Variants in SYT7 observed in about 807,000 individuals in gnomAD.
The protein encoded by SYT7 is synaptotagmin-7.
In SYT7, 29 loss-of-function variants were observed where a neutral mutation model predicts 75.1. That is an observed-to-expected ratio of 0.39 (90% confidence interval 0.29 to 0.53). SYT7 has a LOEUF of 0.53. SYT7 is among the 20% of genes least tolerant of loss of function. The pLI, the probability that SYT7 is intolerant of heterozygous loss-of-function variation, is 0.77. For missense variants in SYT7, 693 were observed against 953.2 expected, an observed-to-expected ratio of 0.73 and a Z score of 3.59; for synonymous variants, 376 against 401.7, an observed-to-expected ratio of 0.94 and a Z score of 0.76.
rs1209878499 is a variant in SYT7, at chr11:61,523,184, A to C, written c.1847T>G (p.Phe616Cys). ...GATATCGAAGGCGAAGGACTCATTGAAGATGGGGTTCAGGTTCCTCTTCAT... is the reference window on the plus strand; with the variant it reads ...GATATCGAAGGCGAAGGACTCATTGCAGATGGGGTTCAGGTTCCTCTTCAT... ...VTMKRNLNPI[F>C]NESFAFDIPT... The change falls in exon 12 of 13, where the codon TTC becomes TGC. Residue 616 changes from phenylalanine to cysteine, a missense_variant. Phe to Cys is a radical substitution (Grantham distance 205). This residue lies in a region of SYT7 where 206 missense variants were observed against 360.0 expected (regional missense o/e 0.57). Transcript: ENST00000539008. This position sits in a 1 kb window ranked among gnomAD's most constrained non-coding sequence, Gnocchi z 5.0. The C allele has an allele frequency of 1.9e-6, 3 of 1,614,084 alleles. No homozygotes were observed. The highest frequency in any genetic ancestry group is 2.5e-6 in the Non-Finnish European group (3 of 1,180,044).
At chr11:61,579,663 C>T (rs1666332135) in intron 1 of SYT7, among the ~76,000 whole-genome samples, 1 of 152,234 alleles carries the variant, frequency 6.6e-6, no homozygotes, top group South Asian at 2.1e-4. Context: ...TCAGGAGCCT[C>T]AGGGCTGCAG....
chr11:61,542,316 C>T lies in SYT7; in HGVS notation c.836G>A (p.Gly279Asp), dbSNP rs2135240917. 6.5e-7 allele frequency: 1 copy of T among 1,532,924 alleles called. No homozygotes were observed. Among genetic ancestry groups the T allele is most frequent in the Non-Finnish European group, 8.7e-7 (1 of 1,145,454 alleles). 95.0% of individuals were successfully genotyped at this position (1,532,924 alleles called of 1,614,324 possible). The change falls in exon 6 of 13, where the codon GGC (glycine) becomes GAC (aspartate). Residue 279 changes from glycine (G) to aspartate (D), a missense_variant. Around this residue, in one of 2 missense-constraint regions of SYT7, gnomAD observed 487 missense variants for 593.2 expected, o/e 0.82. Coordinates refer to ENST00000539008, the MANE Select transcript of SYT7 (RefSeq NM_001365809.2). The surrounding 1 kb of genome is among the most constrained non-coding windows in gnomAD (Gnocchi z 7.8). ...GCCCCCTGCCGCCCGGTACTTGGAG[C>T]CGGCCGAGGTGCCCTGCCGAGCCTG... Reference protein sequence around the residue: ...RGQARQGTSAGSKYRAAGGRS... With the variant: ...RGQARQGTSADSKYRAAGGRS...
At chr11:61,563,935 C>T (rs570406578) in intron 1 of SYT7, among the ~76,000 whole-genome samples, 23 of 152,190 alleles carry the variant, frequency 1.5e-4, no homozygotes, top group Non-Finnish European at 3.1e-4. Context: ...GAAGTAATTG[C>T]TAAACAAATT....
chr11:61,517,429 G>T lies in SYT7; in HGVS notation c.*1198C>A, dbSNP rs2062175822. Reference sequence around the variant, plus strand: ...CGGGGACCAGGGAGTGGGGAAGGGTGAGAAGACAGTCCTGGAGAAGGTCAG... The same window carrying T: ...CGGGGACCAGGGAGTGGGGAAGGGTTAGAAGACAGTCCTGGAGAAGGTCAG... On this transcript the variant is annotated 3_prime_UTR_variant, in exon 13 of 13. Transcript: ENST00000539008. 2 of 398,922 alleles carry T rather than the reference G, an allele frequency of 5.0e-6. No homozygotes were observed. The highest frequency in any genetic ancestry group is 4.1e-5 in the African/African-American group (2 of 48,738). 24.7% of individuals were successfully genotyped at this position (398,922 alleles called of 1,614,324 possible). A position where few individuals can be genotyped will look rare whatever the true frequency, so the allele number is the denominator to read the frequency against.
intron 7 of SYT7, 39 bp downstream of exon 7, chr11:61,538,105 T>C (rs1473664984): frequency 6.5e-7 from 1 of 1,533,580 alleles, no homozygotes; most frequent in Non-Finnish European, 8.7e-7. Flanking sequence ...CGCCTCCTTC[T>C]CTGCCGCCGC....
chr11:61,586,761 C>T, the SYT7 span, among the ~76,000 whole-genome samples: 1 of 152,082 alleles, frequency 6.6e-6, no homozygotes, highest in Non-Finnish European at 1.5e-5. Context: ...CCATCCTCTC[C>T]GCAGTGACTT....
chr11:61,584,723 A>G (rs773798155), upstream of SYT7, among the ~76,000 whole-genome samples: 4 of 152,140 alleles, frequency 2.6e-5, no homozygotes, highest in Non-Finnish European at 5.9e-5. Flanking sequence ...ACTCACGGAG[A>G]ACTGGGTAGA....
chr11:61,560,160 C>T (rs983590883), intron 1 of SYT7, among the ~76,000 whole-genome samples: 6 of 152,164 alleles, frequency 3.9e-5, no homozygotes, highest in Non-Finnish European at 7.4e-5. Context: ...AGTTGAAAGC[C>T]GGGGTTTGAA....
chr11:61,564,455 TCAG>T (rs1323885957), intron 1 of SYT7, among the ~76,000 whole-genome samples: 4 of 152,212 alleles, frequency 2.6e-5, no homozygotes, highest in Non-Finnish European at 5.9e-5. Context: ...TCTGCAGACT[TCAG>T]CACCCCTCTG....
chr11:61,528,801 G>A (rs1038218672), intron 8 of SYT7, among the ~76,000 whole-genome samples: 3 of 152,148 alleles, frequency 2.0e-5, no homozygotes, highest in African/African-American at 4.8e-5. Flanking sequence ...CCCAGGCCCC[G>A]TCCCCAAGCA....
chr11:61,554,557 C>T (rs2063440855), intron 2 of SYT7, among the ~76,000 whole-genome samples: 1 of 152,190 alleles, frequency 6.6e-6, no homozygotes, highest in African/African-American at 2.4e-5. Flanking sequence ...TCAGCGCCTG[C>T]TCATGCAGCC....
At chr11:61,556,871 T>A (rs2063514067) in intron 1 of SYT7, among the ~76,000 whole-genome samples, 1 of 148,922 alleles carries the variant, frequency 6.7e-6, no homozygotes, top group Admixed American at 6.8e-5. Context: ...CACATTCCTA[T>A]CCCCCAAGCT....
intron 6 of SYT7, chr11:61,540,614 G>A (rs979388301): frequency 1.8e-5 from 18 of 985,472 alleles, no homozygotes; most frequent in Non-Finnish European, 2.2e-5. Flanking sequence ...GATGCTGGAC[G>A]AATCCCAGTT....
intron 5 of SYT7, 77 bp downstream of exon 5, chr11:61,545,954 C>T (rs2135267353): frequency 7.3e-7 from 1 of 1,371,688 alleles, no homozygotes; most frequent in Non-Finnish European, 9.9e-7. Context: ...AGCGGGCATG[C>T]CAGGGGTCCC....
At chr11:61,558,557 G>T (rs959409260) in intron 1 of SYT7, among the ~76,000 whole-genome samples, 3 of 150,264 alleles carry the variant, frequency 2.0e-5, no homozygotes, top group Admixed American at 6.6e-5. Flanking sequence ...AATTATGAGG[G>T]TGTGTGTTTG....
chr11:61,548,107 C>T (rs2063244332), intron 3 of SYT7, among the ~76,000 whole-genome samples: 1 of 152,276 alleles, frequency 6.6e-6, no homozygotes, highest in Non-Finnish European at 1.5e-5. Flanking sequence ...AATGTGGCAG[C>T]TGGGTCACCC....
intron 5 of SYT7, among the ~76,000 whole-genome samples, chr11:61,543,092 T>C (rs768145877): frequency 2.0e-5 from 3 of 152,234 alleles, no homozygotes; most frequent in Non-Finnish European, 4.4e-5. Flanking sequence ...GCTGGCCTAG[T>C]AATCCTGGGG....
At chr11:61,535,136 C>A (rs1010878158) in intron 7 of SYT7, among the ~76,000 whole-genome samples, 1 of 152,010 alleles carries the variant, frequency 6.6e-6, no homozygotes, top group African/African-American at 2.4e-5. Context: ...AGGGAGAGGC[C>A]GAGGGGCCCA....
rs1210509495 is a variant in SYT7, at chr11:61,555,783, G to A, written c.135+321C>T. On this transcript the variant is annotated intron_variant, in intron 2 of 12. Transcript: ENST00000539008. Reference sequence around the variant, plus strand: ...TGCGGGAGGCAGGGCGTGTGTGTGTGTGTGCGCGTGTGTGTAGCTGCTCGC... The same window carrying A: ...TGCGGGAGGCAGGGCGTGTGTGTGTATGTGCGCGTGTGTGTAGCTGCTCGC... Among the ~76,000 whole-genome samples the A allele has an allele frequency of 3.9e-5, 6 of 152,122 alleles. No individual in the cohort carries two copies. In the East Asian group the frequency reaches 1.2e-3, roughly 29 times the overall value.
Sources: allele counts gnomAD v4.1 joint callset (sites outside exome capture counted in the v4.1 genomes callset), GRCh38; gene constraint gnomAD v4.1.1; regional missense constraint gnomAD v4.1.1; non-coding constraint Gnocchi (gnomAD v3.1); transcripts MANE v1.5; gene names NCBI Gene and HGNC (gene_info 2026-07-23, HGNC 2026-07-21).